The following TBCA variants were observed in gnomAD, a reference collection of about 807,000 sequenced individuals.
TBCA encodes tubulin-specific chaperone A.
TBCA carries 6 observed loss-of-function variants against 15.8 expected under a neutral mutation model. The observed-to-expected ratio is 0.38, with a 90% CI of 0.21 to 0.75. The LOEUF (loss-of-function observed/expected upper bound fraction) is 0.75, where lower values mean the gene tolerates loss of function less well. TBCA is among the 30% of genes least tolerant of loss of function. The pLI is 0.46. For synonymous variants in TBCA, 32 were observed against 42.3 expected (o/e 0.76, Z 0.94); for missense variants, 90 against 131.2 (o/e 0.69, Z 1.53).
At chr5:77,705,654 C>A in intron 2 of TBCA, 2 of 398,126 alleles carry the variant, frequency 5.0e-6, no homozygotes. Context: ...AAAGTAAGAC[C>A]CTGTCTCTAT....
At chr5:77,693,404 T>C in intron 2 of TBCA, 52 bp from the exon 3 acceptor site, 1 of 1,574,392 alleles carries the variant, frequency 6.4e-7, no homozygotes, top group Non-Finnish European at 8.6e-7. Flanking sequence ...CTTGTAGGTG[T>C]TTAGCTCATA....
chr5:77,764,280 C>G (rs1419463616), intron 1 of TBCA, among the ~76,000 whole-genome samples: 1 of 152,156 alleles, frequency 6.6e-6, no homozygotes, highest in Non-Finnish European at 1.5e-5. Context: ...GTTATTACCA[C>G]TGTTTTACTT....
rs1747786515 is a variant in TBCA at position 77,766,740 on chromosome 5, G to A, written c.53+9465C>T. 8.9e-5 allele frequency among the ~76,000 whole-genome samples: 2 copies of A among 22,584 alleles called. 1 individual carries two copies. Among genetic ancestry groups the A allele is most frequent in the African/African-American group, 3.8e-4 (2 of 5,260 alleles). The allele number at this position is 22,584 out of a possible 152,430, so 14.8% of individuals were successfully genotyped here. On this transcript the variant is annotated intron_variant, in intron 1 of 3. Transcript: ENST00000380377. ...TCTCGATCTCCTGACCTCGTGATCC[G>A]CCCGCCTCGGCCTCCCAAAGTGCTG...
At chr5:77,728,605 G>C (rs966418297) in intron 1 of TBCA, among the ~76,000 whole-genome samples, 2 of 152,054 alleles carry the variant, frequency 1.3e-5, no homozygotes, top group Non-Finnish European at 2.9e-5. Flanking sequence ...ATATAGGACA[G>C]CAATAAACTT....
At chr5:77,694,041 T>C (rs1745818694) in intron 2 of TBCA, among the ~76,000 whole-genome samples, 1 of 152,172 alleles carries the variant, frequency 6.6e-6, no homozygotes, top group Non-Finnish European at 1.5e-5. Flanking sequence ...AAATATCTCC[T>C]GCATCTTTTG....
intron 2 of TBCA, among the ~76,000 whole-genome samples, chr5:77,699,322 T>C (rs1219794793): frequency 6.6e-6 from 1 of 152,004 alleles, no homozygotes; most frequent in Non-Finnish European, 1.5e-5. Flanking sequence ...AAAAATAAAA[T>C]AAAATAAACA....
At chr5:77,699,173 T>C (rs1745948003) in intron 2 of TBCA, among the ~76,000 whole-genome samples, 1 of 152,024 alleles carries the variant, frequency 6.6e-6, no homozygotes, top group South Asian at 2.1e-4. Flanking sequence ...ATCCATTAAC[T>C]GGGACATCAA....
intron 2 of TBCA, among the ~76,000 whole-genome samples, chr5:77,698,309 T>C (rs566195475): frequency 6.6e-6 from 1 of 152,138 alleles, no homozygotes; most frequent in African/African-American, 2.4e-5. Context: ...AAAGAAATAA[T>C]ATAAATGATG....
intron 1 of TBCA, among the ~76,000 whole-genome samples, chr5:77,760,804 C>T (rs1747605505): frequency 1.3e-5 from 2 of 152,218 alleles, no homozygotes; most frequent in South Asian, 4.1e-4. Context: ...GCCTTGGCCT[C>T]CCAAAGTGCT....
chr5:77,744,118 A>C lies in TBCA; in HGVS notation c.53+32087T>G, dbSNP rs1183405623. Among the ~76,000 whole-genome samples, 3 of 152,120 alleles carry C rather than the reference A, an allele frequency of 2.0e-5. 1 individual carries two copies. The highest frequency in any genetic ancestry group is 2.0e-4 in the Admixed American group (3 of 15,274). ...ATTGCCTCCCAAATGTAACATACTG[A>C]TTCACACCTCCATGCCCTCATACCT... is the stretch of plus-strand genomic sequence containing the variant. On this transcript the variant is annotated intron_variant, in intron 1 of 3. Coordinates refer to ENST00000380377, the MANE Select transcript of TBCA (RefSeq NM_004607.3).
chr5:77,720,757 T>C (rs1304947811), intron 1 of TBCA, among the ~76,000 whole-genome samples: 2 of 152,110 alleles, frequency 1.3e-5, no homozygotes, highest in African/African-American at 4.8e-5. Flanking sequence ...CTTAGATGCG[T>C]TAAAAGAAGT....
chr5:77,705,321 T>C (rs1746125285), intron 2 of TBCA, among the ~76,000 whole-genome samples: 1 of 152,124 alleles, frequency 6.6e-6, no homozygotes, highest in African/African-American at 2.4e-5. Context: ...ATGAGGTCAC[T>C]AGCTACATGA....
At chr5:77,732,486 G>C (rs774068409) in intron 1 of TBCA, among the ~76,000 whole-genome samples, 137 of 146,362 alleles carry the variant, frequency 9.4e-4, no homozygotes, top group Admixed American at 3.0e-3. Context: ...GGGAGGCAGA[G>C]CTTGCAGTGA....
At chr5:77,732,612 C>T (rs1363026089) in intron 1 of TBCA, among the ~76,000 whole-genome samples, 1 of 150,482 alleles carries the variant, frequency 6.6e-6, no homozygotes, top group Non-Finnish European at 1.5e-5. Flanking sequence ...TCAAACAAGT[C>T]TGTCAGTGCC....
chr5:77,711,117 C>A, intron 1 of TBCA, among the ~76,000 whole-genome samples: 1 of 152,138 alleles, frequency 6.6e-6, no homozygotes, highest in East Asian at 1.9e-4. Flanking sequence ...ACAGTTTTTA[C>A]ATTTTTGAAT....
intron 1 of TBCA, among the ~76,000 whole-genome samples, chr5:77,751,104 T>C (rs1018577451): frequency 6.6e-6 from 1 of 151,478 alleles, no homozygotes; most frequent in Non-Finnish European, 1.5e-5. Context: ...AGGGGTATAA[T>C]GAAGCCTGTC....
At chr5:77,734,590 G>A (rs1456577060) in intron 1 of TBCA, among the ~76,000 whole-genome samples, 1 of 152,184 alleles carries the variant, frequency 6.6e-6, no homozygotes, top group Non-Finnish European at 1.5e-5. Flanking sequence ...AATGGCAAGA[G>A]TTACTCCTTA....
At chr5:77,750,144 A>C (rs915199660) in intron 1 of TBCA, among the ~76,000 whole-genome samples, 2 of 137,738 alleles carry the variant, frequency 1.5e-5, no homozygotes, top group Admixed American at 7.5e-5. Flanking sequence ...CTCTCTCTAT[A>C]TATATAGAGA....
At chr5:77,776,106 G>A in intron 1 of TBCA, 99 bp downstream of exon 1, 4 of 1,462,560 alleles carry the variant, frequency 2.7e-6, no homozygotes, top group South Asian at 1.2e-5. Context: ...GGAGTTCGGA[G>A]CCCGCCTCGG....
Sources: allele counts gnomAD v4.1 joint callset (sites outside exome capture counted in the v4.1 genomes callset), GRCh38; gene constraint gnomAD v4.1.1; transcripts MANE v1.5; gene names NCBI Gene and HGNC (gene_info 2026-07-23, HGNC 2026-07-21).